Variants in GASK1B observed in about 807,000 individuals in gnomAD.
GASK1B encodes golgi associated kinase 1B, also known as Golgi-associated kinase 1B.
In GASK1B, 34 loss-of-function variants were observed where a neutral mutation model predicts 42.8. That is an observed-to-expected ratio of 0.79 (90% CI 0.60 to 1.06). The LOEUF is 1.06. Among genes scored for constraint, GASK1B ranks in the 50% least tolerant of loss-of-function variants. The pLI, the probability that GASK1B is intolerant of heterozygous loss-of-function variation, is 0.00. For missense variants in GASK1B, 686 were observed against 661.0 expected, an observed-to-expected ratio of 1.04 and a Z score of -0.42; for synonymous variants, 262 against 259.1, an observed-to-expected ratio of 1.01 and a Z score of -0.11.
At chr4:158,144,411 C>A (rs1469106803) in intron 3 of GASK1B, among the ~76,000 whole-genome samples, 1 of 152,160 alleles carries the variant, frequency 6.6e-6, no homozygotes, top group Non-Finnish European at 1.5e-5. Context: ...TTTTGAATTT[C>A]ATTTATGACA....
chr4:158,141,654 T>G (rs185344772), intron 3 of GASK1B, among the ~76,000 whole-genome samples: 2,581 of 123,970 alleles, frequency 0.021, 93 homozygotes, highest in African/African-American at 0.072. Context: ...TCGCACAGGC[T>G]GGAGTGCAGT....
chr4:158,167,240 A>T (rs1732261184), intron 2 of GASK1B: 2 of 152,188 alleles, frequency 1.3e-5, no homozygotes. Context: ...AAGCCAGGTC[A>T]TCAGAGAAAT....
At chr4:158,135,415 T>C (rs2110939073) in intron 3 of GASK1B, among the ~76,000 whole-genome samples, 1 of 151,530 alleles carries the variant, frequency 6.6e-6, no homozygotes, top group African/African-American at 2.4e-5. Context: ...TAATAGCAGT[T>C]TTATATTGAG....
In GASK1B at chr4:158,169,115, AAAT is replaced by A. The variant is rs1732349002; in HGVS notation, c.910+1348_910+1350del. ...CTCAATTTTCTCATCTACTAAATGG[AAAT>A]AATAATAGTCCCCACTTCATAGCAT... On this transcript the variant is annotated intron_variant, in intron 2 of 4. Transcript: ENST00000585682. 3.3e-5 allele frequency: 5 copies of A among 152,334 alleles called. No homozygotes were observed. The South Asian group carries it at 1.0e-3, about 32-fold the overall frequency. 9.4% of individuals were successfully genotyped at this position (152,334 alleles called of 1,614,324 possible).
At chr4:158,133,759 C>T (rs554736543) in intron 3 of GASK1B, among the ~76,000 whole-genome samples, 2 of 152,328 alleles carry the variant, frequency 1.3e-5, no homozygotes, top group African/African-American at 4.8e-5. Context: ...TTCACCACCT[C>T]CCTGACAGAC....
chr4:158,125,422 T>A lies in GASK1B; in HGVS notation c.*1985A>T, dbSNP rs938615040. On this transcript the variant is annotated 3_prime_UTR_variant, in exon 5 of 5. Coordinates refer to ENST00000585682, the MANE Select transcript of GASK1B (RefSeq NM_001128424.2). ...GATAAAGATGGTAAAAAAAAAAAAA[T>A]GTTTTAAGCAGTAAAAATGCAAATA... is the stretch of plus-strand genomic sequence containing the variant. 1 of 148,852 alleles carries A rather than the reference T, an allele frequency of 6.7e-6. No homozygotes were observed. The highest frequency in any genetic ancestry group is 1.5e-5 in the Non-Finnish European group (1 of 66,970). The allele number at this position is 148,852 out of a possible 1,614,324, so 9.2% of individuals were successfully genotyped here.
At chr4:158,143,287 A>T (rs1030996734) in intron 3 of GASK1B, among the ~76,000 whole-genome samples, 5 of 152,218 alleles carry the variant, frequency 3.3e-5, no homozygotes, top group Non-Finnish European at 7.4e-5. Context: ...GTTTATTATA[A>T]TATCCCGTCT....
chr4:158,160,831 A>C (rs1461050404), intron 2 of GASK1B, among the ~76,000 whole-genome samples: 1 of 152,198 alleles, frequency 6.6e-6, no homozygotes, highest in Non-Finnish European at 1.5e-5. Flanking sequence ...ACTGGATGAC[A>C]CTATTTTAAG....
intron 2 of GASK1B, among the ~76,000 whole-genome samples, chr4:158,161,802 C>T (rs1732025525): frequency 6.6e-6 from 1 of 152,142 alleles, no homozygotes; most frequent in Non-Finnish European, 1.5e-5. Context: ...TTTGTTAATC[C>T]AGTTAAAGGA....
At chr4:158,159,181 T>G (rs940259753) in intron 2 of GASK1B, among the ~76,000 whole-genome samples, 3 of 152,188 alleles carry the variant, frequency 2.0e-5, no homozygotes, top group Non-Finnish European at 4.4e-5. Flanking sequence ...AAAGACATTC[T>G]TTCCTGCCCT....
In GASK1B at chr4:158,127,485, A is replaced by G. The variant is rs749442476; in HGVS notation, c.1482T>C (p.Asp494=). 4 of 1,613,770 alleles carry G rather than the reference A, an allele frequency of 2.5e-6. No individual in the cohort carries two copies. The highest frequency in any genetic ancestry group is 2.2e-5 in the East Asian group (1 of 44,846). The change falls in exon 5 of 5, where the codon GAT becomes GAC. Residue 494 remains aspartate (D), a synonymous_variant. Transcript: ENST00000585682. The part of the protein sequence containing the change: ...GGRQGIEKLI[D]VIEHRAKILI... Reference sequence around the variant, plus strand: ...GAATTTTGGCTCTGTGTTCTATTACATCGATAAGCTTTTCAATTCCTTGTC... The same window carrying G: ...GAATTTTGGCTCTGTGTTCTATTACGTCGATAAGCTTTTCAATTCCTTGTC...
intron 3 of GASK1B, among the ~76,000 whole-genome samples, chr4:158,151,117 G>A (rs1002986340): frequency 6.6e-5 from 10 of 152,174 alleles, no homozygotes; most frequent in Non-Finnish European, 5.9e-5. Context: ...TTTCTAAAAT[G>A]GGCGAAGGGA....
At position 158,129,523 on chromosome 4, in the gene GASK1B, G is replaced by C. The variant is rs75987363; in HGVS notation, c.1352+1263C>G. ...CAACAGTATTGCTCTTAATGCTAAA[G>C]TACATAAAATCCACACCATGTAAGT... On this transcript the variant is annotated intron_variant, in intron 4 of 4. Transcript: ENST00000585682. 9.0e-3 allele frequency among the ~76,000 whole-genome samples: 1,374 copies of C among 152,218 alleles called. 19 individuals are homozygous for C. The highest frequency in any genetic ancestry group is 0.03 in the African/African-American group (1,260 of 41,528).
intron 3 of GASK1B, among the ~76,000 whole-genome samples, chr4:158,134,899 T>C (rs1393869342): frequency 6.6e-6 from 1 of 152,212 alleles, no homozygotes; most frequent in Non-Finnish European, 1.5e-5. Context: ...TCCAACCCTA[T>C]GCACACTACC....
intron 3 of GASK1B, among the ~76,000 whole-genome samples, chr4:158,149,515 T>C (rs1023501744): frequency 1.3e-5 from 2 of 152,316 alleles, no homozygotes; most frequent in East Asian, 1.9e-4. Context: ...AGGTTAGCTC[T>C]TATGTTTATC....
At chr4:158,156,511 T>A (rs1055045914) in intron 2 of GASK1B, among the ~76,000 whole-genome samples, 3 of 152,186 alleles carry the variant, frequency 2.0e-5, no homozygotes, top group African/African-American at 7.2e-5. Context: ...TGATCTTTTT[T>A]AACCTGTCAC....
chr4:158,143,712 A>G (rs1256903034), intron 3 of GASK1B, among the ~76,000 whole-genome samples: 4 of 152,198 alleles, frequency 2.6e-5, no homozygotes, highest in Non-Finnish European at 5.9e-5. Flanking sequence ...ATGAATAAAT[A>G]TAGGCCAGTC....
chr4:158,154,917 A>C (rs75843002), intron 3 of GASK1B, among the ~76,000 whole-genome samples: 2,884 of 152,296 alleles, frequency 0.019, 75 homozygotes, highest in African/African-American at 0.064. Flanking sequence ...TACACTGATC[A>C]GTTGATGGGT....
In GASK1B at chr4:158,171,591, G is replaced by A. The variant is rs1271825616; in HGVS notation, c.-216C>T. The A allele has an allele frequency of 1.4e-5, 6 of 443,172 alleles. No individual in the cohort carries two copies. The highest frequency in any genetic ancestry group is 2.3e-5 in the Non-Finnish European group (6 of 256,990). 27.5% of individuals were successfully genotyped at this position (443,172 alleles called of 1,614,324 possible). A position where few individuals can be genotyped will look rare whatever the true frequency, so the allele number is the denominator to read the frequency against. On this transcript the variant is annotated 5_prime_UTR_variant, in exon 2 of 5. Coordinates refer to ENST00000585682, the MANE Select transcript of GASK1B (RefSeq NM_001128424.2). ...TATCAGTCTCCCCAAGGAGAAATGC[G>A]GCTTGTTTCTGGGAATGAATGGATA...
Sources: allele counts gnomAD v4.1 joint callset (sites outside exome capture counted in the v4.1 genomes callset), GRCh38; gene constraint gnomAD v4.1.1; transcripts MANE v1.5; gene names NCBI Gene and HGNC (gene_info 2026-07-23, HGNC 2026-07-21).